PLCE1: variants seen among roughly 807,000 people sequenced by gnomAD.
PLCE1 encodes the protein phospholipase C epsilon 1.
Under a neutral mutation model 242.8 loss-of-function variants are expected in PLCE1, and 119 were observed. The observed-to-expected ratio is 0.49, with a 90% confidence interval of 0.42 to 0.57. The LOEUF (loss-of-function observed/expected upper bound fraction) is 0.57, where lower values mean the gene tolerates loss of function less well. PLCE1 is among the 20% of genes least tolerant of loss of function. The probability of loss-of-function intolerance (pLI) is 0.00; values close to 1 mark genes in which losing one functional copy is unlikely to be tolerated. For synonymous variants in PLCE1, 945 were observed against 1,017.4 expected, an observed-to-expected ratio of 0.93 and a Z score of 1.35; for missense variants, 2,441 against 2,788.8, an observed-to-expected ratio of 0.88 and a Z score of 2.81.
At position 94,246,420 on chromosome 10, in the gene PLCE1, G is replaced by C. The variant is rs1178702807; in HGVS notation, c.2895G>C (p.Met965Ile). Residue 965 changes from methionine (M) to isoleucine (I), a missense_variant, in exon 8 of 33, where the codon ATG (methionine) becomes ATC (isoleucine). By Grantham distance (10) the Met-to-Ile change is conservative. Transcript: ENST00000371380. ...TVCVQNKLGS[M>I]FLSETGVTLL... ...GTGTTCAGAACAAACTGGGTAGCATGTTCCTGTCAGAGACTGGTGTGACAT... is the reference window on the plus strand; with the variant it reads ...GTGTTCAGAACAAACTGGGTAGCATCTTCCTGTCAGAGACTGGTGTGACAT... 3 of 1,614,094 alleles carry C rather than the reference G, an allele frequency of 1.9e-6. No individual in the cohort carries two copies. Among genetic ancestry groups the C allele is most frequent in the Non-Finnish European group, 2.5e-6 (3 of 1,180,018 alleles).
chr10:94,052,067 T>C (rs954198272), intron 2 of PLCE1, among the ~76,000 whole-genome samples: 6 of 152,204 alleles, frequency 3.9e-5, no homozygotes, highest in African/African-American at 1.4e-4. Context: ...TTATCCAGAA[T>C]AGTGCTTTGC....
chr10:94,260,443 A>G (rs1283092750), intron 13 of PLCE1, among the ~76,000 whole-genome samples: 1 of 152,152 alleles, frequency 6.6e-6, no homozygotes, highest in Admixed American at 6.5e-5. Context: ...ATAGCAAAAC[A>G]AAAAACTTTC....
chr10:94,124,246 G>T (rs2046377601), intron 2 of PLCE1, among the ~76,000 whole-genome samples: 1 of 151,844 alleles, frequency 6.6e-6, no homozygotes, highest in Non-Finnish European at 1.5e-5. Flanking sequence ...CAGCATAGTG[G>T]TGGTGCCTGT....
intron 32 of PLCE1, chr10:94,325,310 G>T: frequency 2.0e-6 from 1 of 510,476 alleles, no homozygotes; most frequent in Non-Finnish European, 3.5e-6. Flanking sequence ...AAAGAAAAAG[G>T]GAAAGAGGCT....
At chr10:94,262,830 G>T in intron 14 of PLCE1, 98 bp downstream of exon 14, 1 of 937,382 alleles carries the variant, frequency 1.1e-6, no homozygotes. Flanking sequence ...TCTTTCCAAA[G>T]CCTTTAAATC....
chr10:94,259,428 C>T (rs1368712022), intron 13 of PLCE1, among the ~76,000 whole-genome samples: 2 of 152,086 alleles, frequency 1.3e-5, no homozygotes, highest in African/African-American at 2.4e-5. Flanking sequence ...GGACTACTGG[C>T]ATGTGCCACC....
intron 4 of PLCE1, among the ~76,000 whole-genome samples, chr10:94,214,291 G>A (rs2049444143): frequency 6.6e-6 from 1 of 152,140 alleles, no homozygotes; most frequent in South Asian, 2.1e-4. Flanking sequence ...TTACCCTAGA[G>A]CTCACAGCCC....
intron 22 of PLCE1, among the ~76,000 whole-genome samples, chr10:94,291,541 T>C (rs1424602653): frequency 6.6e-6 from 1 of 152,128 alleles, no homozygotes; most frequent in African/African-American, 2.4e-5. Flanking sequence ...ACTTGAACAG[T>C]TATGTATTAT....
intron 2 of PLCE1, among the ~76,000 whole-genome samples, chr10:94,069,516 G>A (rs188015065): frequency 6.6e-6 from 1 of 152,186 alleles, no homozygotes; most frequent in African/African-American, 2.4e-5. Flanking sequence ...CGGAGCCTGA[G>A]GCAGGAGAAT....
intron 1 of PLCE1, among the ~76,000 whole-genome samples, chr10:94,028,356 C>A (rs1290868155): frequency 6.6e-6 from 1 of 152,142 alleles, no homozygotes; most frequent in Non-Finnish European, 1.5e-5. Context: ...GTCAAGAGTC[C>A]TCCATACTTT....
chr10:94,144,512 C>T (rs960093231), intron 3 of PLCE1, among the ~76,000 whole-genome samples: 2 of 152,176 alleles, frequency 1.3e-5, no homozygotes, highest in African/African-American at 4.8e-5. Context: ...TAGTGGGAGT[C>T]TTCCCACTGA....
intron 3 of PLCE1, among the ~76,000 whole-genome samples, chr10:94,168,041 A>G (rs1260738398): frequency 2.0e-5 from 3 of 152,106 alleles, no homozygotes; most frequent in African/African-American, 7.2e-5. Context: ...TGAGGTGGAT[A>G]ATTTTATTCA....
In PLCE1 at chr10:94,050,238, G is replaced by A. The variant is rs373816247; in HGVS notation, c.1206+17986G>A. ...ACTCACAGTTCCACATGGCTGCAGAGGGCTTAGGAAACTTACAATCAGGCG... is the reference window on the plus strand; with the variant it reads ...ACTCACAGTTCCACATGGCTGCAGAAGGCTTAGGAAACTTACAATCAGGCG... On this transcript the variant is annotated intron_variant, in intron 2 of 32. Coordinates refer to ENST00000371380, the MANE Select transcript of PLCE1 (RefSeq NM_016341.4). Among the ~76,000 whole-genome samples the A allele has an allele frequency of 2.2e-4, 33 of 152,270 alleles. No homozygotes were observed. In the South Asian group the frequency reaches 6.8e-3, roughly 32 times the overall value.
At chr10:94,121,679 G>C (rs550885407) in intron 2 of PLCE1, among the ~76,000 whole-genome samples, 1 of 152,138 alleles carries the variant, frequency 6.6e-6, no homozygotes, top group Non-Finnish European at 1.5e-5. Flanking sequence ...CACTAAGTAC[G>C]ACATGATCAG....
rs2051350959 is a variant in PLCE1 at position 94,262,838 on chromosome 10, A to G, written c.4053+106A>G. The G allele has an allele frequency of 4.5e-6, 4 of 897,128 alleles. No individual in the cohort carries two copies. The South Asian group carries it at 5.3e-5, about 12-fold the overall frequency. The allele number at this position is 897,128 out of a possible 1,614,324, so 55.6% of individuals were successfully genotyped here. On this transcript the variant is annotated intron_variant, in intron 14 of 32. Coordinates refer to ENST00000371380, the MANE Select transcript of PLCE1 (RefSeq NM_016341.4). ...CTATACTTCTTTCCAAAGCCTTTAAATCTGGGACAGATATACAGTTTTGTT... is the reference window on the plus strand; with the variant it reads ...CTATACTTCTTTCCAAAGCCTTTAAGTCTGGGACAGATATACAGTTTTGTT...
chr10:94,204,155 CAG>C (rs1394803710), intron 4 of PLCE1, among the ~76,000 whole-genome samples: 3 of 152,006 alleles, frequency 2.0e-5, no homozygotes, highest in Non-Finnish European at 4.4e-5. Flanking sequence ...GCAAAGGAAA[CAG>C]ATGCTTCCAT....
intron 1 of PLCE1, among the ~76,000 whole-genome samples, chr10:94,021,356 T>A (rs2061374588): frequency 6.6e-6 from 1 of 151,992 alleles, no homozygotes; most frequent in African/African-American, 2.4e-5. Flanking sequence ...GTCTTGAATA[T>A]TTTTTCTGTT....
Position 94,253,948 on chromosome 10 carries a change from G to A in PLCE1, c.3280-242G>A, listed in dbSNP as rs9419788. On this transcript the variant is annotated intron_variant, in intron 9 of 32. Coordinates refer to ENST00000371380, the MANE Select transcript of PLCE1 (RefSeq NM_016341.4). Reference sequence around the variant, plus strand: ...GTTTTTTTCTGTACACAGAGGTTCCGGAGGTTCTGTGCCGCCTCTTGTCTG... The same window carrying A: ...GTTTTTTTCTGTACACAGAGGTTCCAGAGGTTCTGTGCCGCCTCTTGTCTG... Among the ~76,000 whole-genome samples, 102,545 of 152,142 alleles carry A rather than the reference G, an allele frequency of 0.67. 35,380 individuals are homozygous for A. Among genetic ancestry groups the A allele is most frequent in the East Asian group, 0.83 (4,288 of 5,180 alleles).
Position 94,301,549 on chromosome 10 carries a change from C to G in PLCE1, c.5458+2880C>G, listed in dbSNP as rs546997145. ...CAAGAGGTTTCATGGATCATCTGCT[C>G]TGTGACTTCCTGGATTTCAGGGGAT... On this transcript the variant is annotated intron_variant, in intron 24 of 32. Transcript: ENST00000371380. Among the ~76,000 whole-genome samples, 118 of 152,246 alleles carry G rather than the reference C, an allele frequency of 7.8e-4. 1 individual carries two copies. Among genetic ancestry groups the G allele is most frequent in the African/African-American group, 2.7e-3 (111 of 41,548 alleles).
Sources: gnomAD v4.1 joint callset for allele counts (sites outside exome capture counted in the v4.1 genomes callset) on GRCh38, gnomAD v4.1.1 for gene constraint, MANE v1.5 for transcripts, NCBI Gene and HGNC (gene_info 2026-07-23, HGNC 2026-07-21) for gene names.